CPEB3: variants seen among roughly 807,000 people sequenced by gnomAD.
CPEB3 encodes the protein cytoplasmic polyadenylation element-binding protein 3.
A neutral mutation model predicts 67.2 loss-of-function variants in CPEB3; 20 were observed. The observed-to-expected ratio is 0.30, with a 90% confidence interval of 0.21 to 0.43. CPEB3 has a LOEUF of 0.43. Ranked by LOEUF, CPEB3 falls within the 20% of genes least tolerant of loss-of-function variation. The pLI is 1.00. For synonymous variants in CPEB3, 376 were observed against 393.1 expected, an observed-to-expected ratio of 0.96 and a Z score of 0.51; for missense variants, 746 against 968.6, an observed-to-expected ratio of 0.77 and a Z score of 3.05.
intron 7 of CPEB3, among the ~76,000 whole-genome samples, chr10:92,097,549 C>A (rs1843938325): frequency 1.3e-5 from 2 of 152,130 alleles, no homozygotes; most frequent in South Asian, 4.1e-4. Context: ...TCTCCAAAGG[C>A]AAAATCTTTT....
intron 2 of CPEB3, among the ~76,000 whole-genome samples, chr10:92,211,130 AT>A (rs1165529264): frequency 1.3e-5 from 2 of 152,240 alleles, no homozygotes; most frequent in African/African-American, 4.8e-5. Context: ...GTGAGAATAT[AT>A]GTAAAATGCT....
chr10:92,243,894 C>A (rs908218027), intron 1 of CPEB3, among the ~76,000 whole-genome samples: 1 of 152,150 alleles, frequency 6.6e-6, no homozygotes, highest in Non-Finnish European at 1.5e-5. Context: ...AGGAACAAAT[C>A]ACTTATTTTA....
chr10:92,193,720 C>T (rs115097667), intron 2 of CPEB3, among the ~76,000 whole-genome samples: 2,451 of 151,814 alleles, frequency 0.016, 65 homozygotes, highest in African/African-American at 0.057. Context: ...AGAACTCAAA[C>T]GGAATCATTT....
At chr10:92,156,241 T>C (rs1233908093) in intron 4 of CPEB3, among the ~76,000 whole-genome samples, 1 of 152,132 alleles carries the variant, frequency 6.6e-6, no homozygotes, top group African/African-American at 2.4e-5. Flanking sequence ...GGATAGTTCT[T>C]AGATACATAG....
chr10:92,139,052 T>C (rs1590221095), intron 6 of CPEB3, among the ~76,000 whole-genome samples: 2 of 151,596 alleles, frequency 1.3e-5, no homozygotes, highest in Admixed American at 6.6e-5. Flanking sequence ...CCGAGGCAGG[T>C]GGATCACCTG....
At chr10:92,286,446 G>C (rs1483152988) in intron 1 of CPEB3, among the ~76,000 whole-genome samples, 1 of 151,752 alleles carries the variant, frequency 6.6e-6, no homozygotes, top group Non-Finnish European at 1.5e-5. Flanking sequence ...TTAGCTGGGC[G>C]TGGTGATGCA....
chr10:92,218,040 G>C (rs952541033), intron 2 of CPEB3, among the ~76,000 whole-genome samples: 1 of 152,188 alleles, frequency 6.6e-6, no homozygotes, highest in African/African-American at 2.4e-5. Flanking sequence ...ATCCCAAGAA[G>C]GCAAGGCTTC....
intron 6 of CPEB3, chr10:92,118,848 T>C: frequency 1.3e-6 from 1 of 785,732 alleles, no homozygotes; most frequent in South Asian, 1.4e-5. Context: ...TCTCTTCCCA[T>C]GGCAATGGCC....
chr10:92,201,079 A>G (rs1460174741), intron 2 of CPEB3, among the ~76,000 whole-genome samples: 1 of 152,150 alleles, frequency 6.6e-6, no homozygotes, highest in African/African-American at 2.4e-5. Context: ...TTTCCAGTCA[A>G]TGGTGTCTGA....
chr10:92,095,065 G>A (rs1449177282), intron 7 of CPEB3, among the ~76,000 whole-genome samples: 1 of 152,040 alleles, frequency 6.6e-6, no homozygotes, highest in African/African-American at 2.4e-5. Flanking sequence ...TTTATCAATA[G>A]CTGTAGGTTA....
At chr10:92,210,764 G>A (rs755172114) in intron 2 of CPEB3, among the ~76,000 whole-genome samples, 4 of 152,158 alleles carry the variant, frequency 2.6e-5, no homozygotes, top group African/African-American at 4.8e-5. Flanking sequence ...ATGGCCAGGC[G>A]TGGTGGCTCA....
intron 6 of CPEB3, among the ~76,000 whole-genome samples, chr10:92,112,403 C>T (rs1844795315): frequency 6.6e-6 from 1 of 152,162 alleles, no homozygotes; most frequent in Non-Finnish European, 1.5e-5. Flanking sequence ...CCTCGGCCTC[C>T]CAAAGTGCTG....
chr10:92,150,269 T>A (rs1324631106), intron 4 of CPEB3, among the ~76,000 whole-genome samples: 1 of 151,752 alleles, frequency 6.6e-6, no homozygotes, highest in African/African-American at 2.4e-5. Flanking sequence ...TTTTTTTTTT[T>A]AATATAGAGA....
At chr10:92,139,195 T>G (rs1846263517) in intron 6 of CPEB3, among the ~76,000 whole-genome samples, 1 of 151,512 alleles carries the variant, frequency 6.6e-6, no homozygotes, top group South Asian at 2.1e-4. Flanking sequence ...GAGAATCTCT[T>G]GAATCCCAGA....
chr10:92,267,411 A>G (rs1171736222), intron 1 of CPEB3, among the ~76,000 whole-genome samples: 1 of 152,230 alleles, frequency 6.6e-6, no homozygotes, highest in Non-Finnish European at 1.5e-5. Context: ...CTAGAGGGTA[A>G]GTGGACCAGA....
intron 7 of CPEB3, among the ~76,000 whole-genome samples, chr10:92,096,509 C>T (rs758267795): frequency 6.6e-6 from 1 of 152,024 alleles, no homozygotes; most frequent in South Asian, 2.1e-4. Context: ...ACTATAGGGG[C>T]AGTAAAAGCC....
intron 2 of CPEB3, among the ~76,000 whole-genome samples, chr10:92,221,462 C>T (rs1310517341): frequency 6.6e-6 from 1 of 152,120 alleles, no homozygotes; most frequent in Non-Finnish European, 1.5e-5. Flanking sequence ...CAGTGCACTC[C>T]AGCCTGGACA....
chr10:92,111,197 T>C lies in CPEB3; in HGVS notation c.1454-3A>G, dbSNP rs1203281826. The C allele has an allele frequency of 6.3e-7, 1 of 1,586,206 alleles. No individual in the cohort carries two copies. The highest frequency in any genetic ancestry group is 1.1e-5 in the South Asian group (1 of 90,488). ...TTGGAACAGCAGAAAGGCATAGCCT[T>C]GGGGAGAGCAAAAACAAAAGGGTAG... On this transcript the variant is annotated splice_polypyrimidine_tract_variant and splice_region_variant and intron_variant, in intron 6 of 9. Transcript: ENST00000265997.
chr10:92,108,398 G>A (rs967707810), intron 7 of CPEB3, among the ~76,000 whole-genome samples: 15 of 150,298 alleles, frequency 1.0e-4, no homozygotes, highest in Non-Finnish European at 2.9e-5. Flanking sequence ...ACAATGAGGT[G>A]GAATGTACCA....
Sources: allele counts gnomAD v4.1 joint callset (sites outside exome capture counted in the v4.1 genomes callset), GRCh38; gene constraint gnomAD v4.1.1; transcripts MANE v1.5; gene names NCBI Gene and HGNC (gene_info 2026-07-23, HGNC 2026-07-21).